Variants in LOXHD1 observed in about 807,000 individuals in gnomAD.
The protein encoded by LOXHD1 is lipoxygenase homology PLAT domains 1, also known as lipoxygenase homology domain-containing protein 1.
Under a neutral mutation model 248.2 loss-of-function variants are expected in LOXHD1, and 205 were observed. The ratio of observed to expected loss-of-function variants is 0.83; its 90% CI spans 0.74 to 0.93. LOXHD1 has a LOEUF of 0.93. Ranked by LOEUF, LOXHD1 falls within the 40% of genes least tolerant of loss-of-function variation. LOXHD1 has a pLI of 0.00. For missense variants in LOXHD1, 2,930 were observed against 2,971.6 expected (o/e 0.99, Z 0.33); for synonymous variants, 1,113 against 1,162.8 (o/e 0.96, Z 0.87).
At chr18:46,639,970 C>G (rs1271043265) in intron 3 of LOXHD1, among the ~76,000 whole-genome samples, 170 bp from the exon 4 acceptor site, 2 of 152,178 alleles carry the variant, frequency 1.3e-5, no homozygotes, top group African/African-American at 4.8e-5. Flanking sequence ...GGATACCTTG[C>G]AAGCTGGATG....
chr18:46,563,777 T>A (rs1300810967), intron 17 of LOXHD1, among the ~76,000 whole-genome samples: 1 of 152,072 alleles, frequency 6.6e-6, no homozygotes, highest in Non-Finnish European at 1.5e-5. Flanking sequence ...TCCAAGCTGA[T>A]TGGCGTCCTT....
At position 46,639,686 on chromosome 18, in the gene LOXHD1, G is replaced by A; in HGVS notation, c.441C>T (p.Ser147=). ...RYYFNCNNWL[S]KVEGDRQWCR... Reference sequence around the variant, plus strand: ...ACCACTGGCGGTCACCTTCCACCTTGCTCAGCCAGTTGTTGCAGTTGAAGT... The same window carrying A: ...ACCACTGGCGGTCACCTTCCACCTTACTCAGCCAGTTGTTGCAGTTGAAGT... Residue 147 remains serine, a synonymous_variant, in exon 4 of 41, where the codon AGC becomes AGT. Coordinates refer to ENST00000642948, the MANE Select transcript of LOXHD1 (RefSeq NM_001384474.1). 6.4e-7 allele frequency: 1 copy of A among 1,551,766 alleles called. No homozygotes were observed. The highest frequency in any genetic ancestry group is 8.7e-7 in the Non-Finnish European group (1 of 1,147,012).
At chr18:46,565,319 G>A (rs1599009990) in intron 17 of LOXHD1, among the ~76,000 whole-genome samples, 1 of 151,812 alleles carries the variant, frequency 6.6e-6, no homozygotes, top group South Asian at 2.1e-4. Context: ...TGGTCCCACT[G>A]TCTTCCTCCT....
rs2143414485 is a variant in LOXHD1 at position 46,477,514 on chromosome 18, C to G, written c.6780G>C (p.Arg2260=). 6.4e-7 allele frequency: 1 copy of G among 1,550,898 alleles called. No individual in the cohort carries two copies. ...FNCGRWLDKK[R]GDGLTWRDLF... ...GGTCTCTCCAGGTGAGTCCATCCCC[C>G]CGCTTCTTGTCCAGCCACCTGCCAC... The change falls in exon 41 of 41, where the codon CGG becomes CGC. Residue 2260 remains arginine (R), a synonymous_variant. Transcript: ENST00000642948.
rs1453084551 is a variant in LOXHD1 at position 46,524,811 on chromosome 18, T to C, written c.4637A>G (p.Glu1546Gly). 1.3e-6 allele frequency: 2 copies of C among 1,551,642 alleles called. No individual in the cohort carries two copies. The highest frequency in any genetic ancestry group is 2.7e-5 in the African/African-American group (2 of 73,040). ...WCADWYVEKV[E>G]IWNDTNEDEF... ...GTCCTCGTTGGTGTCATTCCAGATC[T>C]CCACCTTCTCCACGTACCAGTCTGC... is the stretch of plus-strand genomic sequence containing the variant. The change falls in exon 30 of 41, where the codon GAG becomes GGG. Residue 1546 changes from glutamate (E) to glycine (G), a missense_variant. Transcript: ENST00000642948.
intron 16 of LOXHD1, among the ~76,000 whole-genome samples, chr18:46,566,723 A>C (rs1485435787): frequency 6.6e-6 from 1 of 152,190 alleles, no homozygotes; most frequent in Non-Finnish European, 1.5e-5. Context: ...AGGGGAGTGG[A>C]GGTGACACAA....
At chr18:46,509,863 GA>G in intron 34 of LOXHD1, 48 bp from the exon 35 acceptor site, 4 of 1,025,454 alleles carry the variant, frequency 3.9e-6, no homozygotes, top group Non-Finnish European at 4.4e-6. Flanking sequence ...GGCCATTGGG[GA>G]GGGTTGGGGT....
intron 26 of LOXHD1, among the ~76,000 whole-genome samples, chr18:46,535,690 C>A (rs1337192313): frequency 6.6e-6 from 1 of 152,134 alleles, no homozygotes; most frequent in South Asian, 2.1e-4. Context: ...CCTGCCTCAG[C>A]CCCTGGAGTA....
At chr18:46,592,234 A>G (rs1372355681) in intron 11 of LOXHD1, among the ~76,000 whole-genome samples, 166 bp from the exon 12 acceptor site, 2 of 152,114 alleles carry the variant, frequency 1.3e-5, no homozygotes, top group African/African-American at 4.8e-5. Flanking sequence ...GGTTTCCTGG[A>G]TACCCACACT....
At chr18:46,607,429 T>C (rs547587765) in intron 6 of LOXHD1, among the ~76,000 whole-genome samples, 2 of 149,902 alleles carry the variant, frequency 1.3e-5, no homozygotes, top group African/African-American at 2.4e-5. Flanking sequence ...GGTGTCATAA[T>C]GAATATATAT....
intron 37 of LOXHD1, among the ~76,000 whole-genome samples, chr18:46,498,024 T>C (rs1376979576): frequency 6.6e-6 from 1 of 152,204 alleles, no homozygotes; most frequent in African/African-American, 2.4e-5. Context: ...TGCCTTTCAG[T>C]TCTAGGTTTC....
chr18:46,605,829 C>T (rs2038404924), intron 6 of LOXHD1, among the ~76,000 whole-genome samples: 1 of 152,166 alleles, frequency 6.6e-6, no homozygotes, highest in Admixed American at 6.5e-5. Flanking sequence ...TCCTATGTTT[C>T]AGGGGCACCT....
intron 1 of LOXHD1, 52 bp from the exon 2 acceptor site, chr18:46,649,321 C>T: frequency 7.0e-7 from 1 of 1,436,092 alleles, no homozygotes; most frequent in Non-Finnish European, 9.5e-7. Context: ...AAACCGGAAT[C>T]CTGTGTGGGC....
chr18:46,598,705 ATAGTAACAAAAAT>A (rs1348564135), intron 8 of LOXHD1, among the ~76,000 whole-genome samples: 2 of 152,188 alleles, frequency 1.3e-5, no homozygotes, highest in Non-Finnish European at 2.9e-5. Flanking sequence ...ACCACTTATA[ATAGTAACAAAAAT>A]TATAAGGTCT....
At position 46,654,671 on chromosome 18, in the gene LOXHD1, C is replaced by G. The variant is rs140262602; in HGVS notation, c.130+2233G>C. Among the ~76,000 whole-genome samples, 28 of 152,342 alleles carry G rather than the reference C, an allele frequency of 1.8e-4. No homozygotes were observed. The East Asian group carries it at 4.4e-3, about 24-fold the overall frequency. ...CCTCCCCATCACACTCATCAAGACT[C>G]TCCACGTAACACCAGAGCCCAGAGT... On this transcript the variant is annotated intron_variant, in intron 1 of 40. Coordinates refer to ENST00000642948, the MANE Select transcript of LOXHD1 (RefSeq NM_001384474.1).
intron 2 of LOXHD1, among the ~76,000 whole-genome samples, chr18:46,647,647 G>T (rs983645567): frequency 1.3e-5 from 2 of 152,138 alleles, no homozygotes; most frequent in Non-Finnish European, 2.9e-5. Flanking sequence ...CAGTGTAAGC[G>T]GTACAAGAAG....
At position 46,593,714 on chromosome 18, in the gene LOXHD1, A is replaced by T; in HGVS notation, c.1317T>A (p.Ala439=). The T allele has an allele frequency of 1.3e-6, 2 of 1,552,186 alleles. No individual in the cohort carries two copies. Among genetic ancestry groups the T allele is most frequent in the Non-Finnish European group, 1.7e-6 (2 of 1,147,102 alleles). Residue 439 remains alanine, a synonymous_variant, in exon 10 of 41, where the codon GCT becomes GCA. Transcript: ENST00000642948. Reference sequence around the variant, plus strand: ...GGATGAAGATGGGAGAGTTGGTACCAGCTTTCTTTAGGTCGGTTGTCCAGA... The same window carrying T: ...GGATGAAGATGGGAGAGTTGGTACCTGCTTTCTTTAGGTCGGTTGTCCAGA... ...LWVWTTDLKK[A]GTNSPIFIQI...
chr18:46,605,263 C>T (rs2038395058), intron 6 of LOXHD1, among the ~76,000 whole-genome samples: 1 of 152,098 alleles, frequency 6.6e-6, no homozygotes, highest in South Asian at 2.1e-4. Flanking sequence ...CGTGGTGGCT[C>T]ACACCGTAAT....
At chr18:46,498,477 C>T (rs1020399446) in intron 37 of LOXHD1, among the ~76,000 whole-genome samples, 3 of 152,186 alleles carry the variant, frequency 2.0e-5, no homozygotes, top group South Asian at 2.1e-4. Context: ...TTTTGGAGTT[C>T]TGGAGCCCAG....
Sources: gnomAD v4.1 joint callset for allele counts (sites outside exome capture counted in the v4.1 genomes callset) on GRCh38, gnomAD v4.1.1 for gene constraint, MANE v1.5 for transcripts, NCBI Gene and HGNC (gene_info 2026-07-23, HGNC 2026-07-21) for gene names.